CORO1C: variants seen among roughly 807,000 people sequenced by gnomAD.
CORO1C encodes coronin-1C.
In CORO1C, 14 loss-of-function variants were observed where a neutral mutation model predicts 51.2. The observed-to-expected ratio is 0.27, with a 90% confidence interval of 0.18 to 0.43. The LOEUF (loss-of-function observed/expected upper bound fraction) is 0.43, where lower values mean the gene tolerates loss of function less well. Ranked by LOEUF, CORO1C falls within the 20% of genes least tolerant of loss-of-function variation. The pLI is 1.00. For missense variants in CORO1C, 417 were observed against 607.8 expected (o/e 0.69, Z 3.30); for synonymous variants, 181 against 210.5 (o/e 0.86, Z 1.21).
At chr12:108,690,145 G>A (rs1331191527) in intron 2 of CORO1C, among the ~76,000 whole-genome samples, 1 of 152,222 alleles carries the variant, frequency 6.6e-6, no homozygotes, top group Non-Finnish European at 1.5e-5. Flanking sequence ...CAGAGACTCA[G>A]CAGCAGACCA....
At chr12:108,688,371 A>G (rs1163499919) in intron 2 of CORO1C, among the ~76,000 whole-genome samples, 1 of 152,156 alleles carries the variant, frequency 6.6e-6, no homozygotes, top group East Asian at 1.9e-4. Flanking sequence ...ACGTCTCAAT[A>G]AAGTTCTGTG....
At chr12:108,648,358 A>G (rs1348215248) in intron 10 of CORO1C, among the ~76,000 whole-genome samples, 1 of 152,122 alleles carries the variant, frequency 6.6e-6, no homozygotes, top group Non-Finnish European at 1.5e-5. Context: ...TATCCCAATC[A>G]TGGTGGTCTG....
intron 1 of CORO1C, among the ~76,000 whole-genome samples, chr12:108,708,486 G>C (rs2035091016): frequency 6.6e-6 from 1 of 150,804 alleles, no homozygotes; most frequent in Non-Finnish European, 1.5e-5. Context: ...TTCTGAGATG[G>C]AGTCTTGCTC....
In CORO1C at chr12:108,671,166, C is replaced by G. The variant is rs372931772; in HGVS notation, c.318+7106G>C. Among the ~76,000 whole-genome samples the G allele has an allele frequency of 3.2e-4, 49 of 152,034 alleles. 1 individual carries two copies. In the East Asian group the frequency reaches 4.4e-3, roughly 14 times the overall value. ...TGGACAACATTGTGAGAAACCTCGT[C>G]TCTACAAAAAAAATAGAAAATTAGC... On this transcript the variant is annotated intron_variant, in intron 3 of 10. Transcript: ENST00000261401.
intron 1 of CORO1C, chr12:108,702,714 T>C: frequency 7.3e-7 from 1 of 1,378,992 alleles, no homozygotes; most frequent in Non-Finnish European, 9.5e-7. Context: ...TGCTAATTCC[T>C]TTCCTCTAAT....
At chr12:108,697,667 G>A (rs1015032976) in intron 2 of CORO1C, among the ~76,000 whole-genome samples, 7 of 152,150 alleles carry the variant, frequency 4.6e-5, no homozygotes, top group Admixed American at 2.0e-4. Flanking sequence ...CATGTAGTTG[G>A]AGTCCCCATC....
chr12:108,719,860 T>C lies in CORO1C; in HGVS notation c.-6+11569A>G, dbSNP rs545753831. ...TTGTTAAATGAAAGCATGCTTCCAT[T>C]GGGATGTTACTTCATTGACTCTAAA... is the stretch of plus-strand genomic sequence containing the variant. On this transcript the variant is annotated intron_variant, in intron 1 of 10. Transcript: ENST00000261401. Among the ~76,000 whole-genome samples the C allele has an allele frequency of 1.1e-4, 16 of 152,290 alleles. No homozygotes were observed. The South Asian group carries it at 3.1e-3, about 30-fold the overall frequency.
intron 2 of CORO1C, among the ~76,000 whole-genome samples, chr12:108,687,076 A>G (rs1219929994): frequency 6.6e-6 from 1 of 152,210 alleles, no homozygotes; most frequent in East Asian, 1.9e-4. Flanking sequence ...AAGTAGCTAC[A>G]ACACAGCCGA....
intron 8 of CORO1C, chr12:108,649,416 G>A (rs778043997): frequency 8.5e-5 from 19 of 222,992 alleles, no homozygotes; most frequent in Admixed American, 1.6e-4. Flanking sequence ...TACAACGCGG[G>A]TACAAGGTCT....
At chr12:108,682,532 A>T (rs539916574) in intron 2 of CORO1C, among the ~76,000 whole-genome samples, 63 of 152,216 alleles carry the variant, frequency 4.1e-4, no homozygotes, top group Non-Finnish European at 8.4e-4. Context: ...ATATAATTTC[A>T]AAATAATTAA....
At chr12:108,721,495 G>A (rs1013591953) in intron 1 of CORO1C, among the ~76,000 whole-genome samples, 2 of 152,162 alleles carry the variant, frequency 1.3e-5, no homozygotes, top group African/African-American at 4.8e-5. Context: ...GAGGAGGCTT[G>A]TAATGTATTT....
chr12:108,702,444 T>TA (rs2034901632), intron 1 of CORO1C, among the ~76,000 whole-genome samples: 6 of 152,214 alleles, frequency 3.9e-5, no homozygotes, highest in South Asian at 4.1e-4. Flanking sequence ...AATCATCTGA[T>TA]AGACACTGAA....
chr12:108,676,783 A>AT (rs951379448), intron 3 of CORO1C, among the ~76,000 whole-genome samples: 9 of 151,934 alleles, frequency 5.9e-5, no homozygotes, highest in Non-Finnish European at 1.2e-4. Context: ...AAAAAAAAAA[A>AT]AAAAATTCTG....
In CORO1C at chr12:108,726,068, C is replaced by T. The variant is rs149027703; in HGVS notation, c.-6+5361G>A. On this transcript the variant is annotated intron_variant, in intron 1 of 10. Coordinates refer to ENST00000261401, the MANE Select transcript of CORO1C (RefSeq NM_014325.4). Reference sequence around the variant, plus strand: ...CAGGCTGGTCTCAAACCCCTGACCTCGTGATCTGCCCGCCTCAGCTTCCCA... The same window carrying T: ...CAGGCTGGTCTCAAACCCCTGACCTTGTGATCTGCCCGCCTCAGCTTCCCA... 4.4e-3 allele frequency among the ~76,000 whole-genome samples: 666 copies of T among 152,220 alleles called. 10 individuals are homozygous for T. Among genetic ancestry groups the T allele is most frequent in the African/African-American group, 0.015 (610 of 41,528 alleles).
intron 2 of CORO1C, among the ~76,000 whole-genome samples, chr12:108,679,939 T>C (rs2034064153): frequency 6.6e-6 from 1 of 152,240 alleles, no homozygotes; most frequent in Admixed American, 6.5e-5. Flanking sequence ...CAATTCAGTA[T>C]TACAATTATC....
chr12:108,655,649 C>T (rs933343769), intron 6 of CORO1C, among the ~76,000 whole-genome samples: 5 of 152,214 alleles, frequency 3.3e-5, no homozygotes, highest in African/African-American at 4.8e-5. Context: ...CCCGAGGTGC[C>T]GGGATTGCAA....
Position 108,647,509 on chromosome 12 carries a change from T to C in CORO1C, c.1319A>G (p.Lys440Arg). 6.2e-7 allele frequency: 1 copy of C among 1,603,142 alleles called. No individual in the cohort carries two copies. The highest frequency in any genetic ancestry group is 1.1e-5 in the South Asian group (1 of 89,786). The change falls in exon 11 of 11, where the codon AAG becomes AGG. Residue 440 changes from lysine (K) to arginine (R), a missense_variant. Transcript: ENST00000261401. ...GATCTCTTTTAAAATCTCATCCAAC[T>C]TGGCTTCATTTTGCTAAGAAAACAA... ...TDTASVQNEAKLDEILKEIKS... is the reference protein window; with the variant it reads ...TDTASVQNEARLDEILKEIKS...
intron 2 of CORO1C, among the ~76,000 whole-genome samples, chr12:108,700,621 TTTC>T (rs1466319153): frequency 1.3e-5 from 2 of 152,102 alleles, no homozygotes; most frequent in East Asian, 3.8e-4. Flanking sequence ...TTGAGGACAT[TTTC>T]TTGAGTTCTT....
At chr12:108,712,725 C>T (rs557091800) in intron 1 of CORO1C, among the ~76,000 whole-genome samples, 35 of 151,724 alleles carry the variant, frequency 2.3e-4, no homozygotes, top group African/African-American at 8.5e-4. Context: ...CTCACGCCTG[C>T]AATCTCAGCA....
Sources: gnomAD v4.1 joint callset for allele counts (sites outside exome capture counted in the v4.1 genomes callset) on GRCh38, gnomAD v4.1.1 for gene constraint, MANE v1.5 for transcripts, NCBI Gene and HGNC (gene_info 2026-07-23, HGNC 2026-07-21) for gene names.